GRIK2: variants seen among roughly 807,000 people sequenced by gnomAD.
The protein encoded by GRIK2 is glutamate receptor ionotropic, kainate 2.
Under a neutral mutation model 100.3 loss-of-function variants are expected in GRIK2, and 32 were observed. The observed-to-expected ratio is 0.32, with a 90% CI of 0.24 to 0.43. The LOEUF (loss-of-function observed/expected upper bound fraction) is 0.43. Ranked by LOEUF, GRIK2 falls within the 20% of genes least tolerant of loss-of-function variation. The probability of loss-of-function intolerance (pLI) is 1.00; values close to 1 mark genes in which losing one functional copy is unlikely to be tolerated. For missense variants in GRIK2, 843 were observed against 1,114.9 expected (o/e 0.76, Z 3.47); for synonymous variants, 417 against 389.4 (o/e 1.07, Z -0.83).
chr6:101,859,454 T>A lies in GRIK2; in HGVS notation c.1485T>A (p.Asn495Lys), dbSNP rs1784617388. 6.2e-7 allele frequency: 1 copy of A among 1,608,944 alleles called. No individual in the cohort carries two copies. The highest frequency in any genetic ancestry group is 8.5e-7 in the Non-Finnish European group (1 of 1,175,968). Residue 495 changes from asparagine to lysine, a missense_variant, in exon 11 of 17, where the codon AAT becomes AAA. Coordinates refer to ENST00000369134, the MANE Select transcript of GRIK2 (RefSeq NM_021956.5). ...DGKYGAQDDA[N>K]GQWNGMVREL... ...AATATGGAGCCCAGGATGATGCCAA[T>A]GGACAATGGAATGGAATGGTTCGTG...
chr6:101,658,351 G>T lies in GRIK2; in HGVS notation c.542-18272G>T, dbSNP rs541908904. ...AGTTTGCTGAGAATGATGGTTTCCAGCTTCATCCTTGTCCCAGCAAAGAAC... is the reference window on the plus strand; with the variant it reads ...AGTTTGCTGAGAATGATGGTTTCCATCTTCATCCTTGTCCCAGCAAAGAAC... On this transcript the variant is annotated intron_variant, in intron 4 of 16. Transcript: ENST00000369134. Among the ~76,000 whole-genome samples, 26 of 152,258 alleles carry T rather than the reference G, an allele frequency of 1.7e-4. No individual in the cohort carries two copies. The South Asian group carries it at 3.5e-3, about 21-fold the overall frequency.
At chr6:101,861,721 TCTTATA>T (rs1050083080) in intron 11 of GRIK2, among the ~76,000 whole-genome samples, 2 of 152,172 alleles carry the variant, frequency 1.3e-5, no homozygotes, top group African/African-American at 2.4e-5. Flanking sequence ...TTTTGGACCT[TCTTATA>T]CTTAGAGTTT....
At chr6:101,579,782 C>T (rs906359110) in intron 2 of GRIK2, among the ~76,000 whole-genome samples, 20 of 147,590 alleles carry the variant, frequency 1.4e-4, no homozygotes, top group African/African-American at 4.0e-4. Context: ...ACCCAGGAGG[C>T]GGAGGTTGCA....
At chr6:101,841,524 C>T (rs528566827) in intron 10 of GRIK2, among the ~76,000 whole-genome samples, 22 of 152,030 alleles carry the variant, frequency 1.4e-4, no homozygotes, top group African/African-American at 4.1e-4. Context: ...CCACCATGCC[C>T]GGCTAAGTTT....
At chr6:101,942,376 T>G (rs1032744684) in intron 14 of GRIK2, among the ~76,000 whole-genome samples, 1 of 152,140 alleles carries the variant, frequency 6.6e-6, no homozygotes, top group Admixed American at 6.6e-5. Flanking sequence ...CCTGAACATG[T>G]GGAAGCAACT....
intron 14 of GRIK2, among the ~76,000 whole-genome samples, chr6:101,946,083 A>G (rs1409391750): frequency 6.6e-6 from 1 of 152,058 alleles, no homozygotes; most frequent in African/African-American, 2.4e-5. Context: ...GTTACAAAAT[A>G]TAACATATAC....
chr6:101,996,804 A>G (rs1166640653), intron 14 of GRIK2, among the ~76,000 whole-genome samples: 1 of 152,064 alleles, frequency 6.6e-6, no homozygotes, highest in Admixed American at 6.6e-5. Context: ...GGTTTGTTAT[A>G]TTGAATCACT....
At chr6:101,592,624 T>TATATATATATATATATA (rs71028078) in intron 2 of GRIK2, among the ~76,000 whole-genome samples, 176 of 133,320 alleles carry the variant, frequency 1.3e-3, no homozygotes, top group African/African-American at 1.7e-3. Context: ...TATATATATA[T>TATATATATATATATATA]TGCTTTTTCA....
chr6:101,780,022 C>A (rs561554043), intron 7 of GRIK2, among the ~76,000 whole-genome samples: 1 of 152,076 alleles, frequency 6.6e-6, no homozygotes, highest in South Asian at 2.1e-4. Context: ...ATCTAACTAT[C>A]TCATATGGAT....
intron 9 of GRIK2, among the ~76,000 whole-genome samples, chr6:101,804,330 A>G (rs1219766369): frequency 6.6e-6 from 1 of 152,020 alleles, no homozygotes; most frequent in African/African-American, 2.4e-5. Context: ...CATAGATACC[A>G]TGTCCAAGAT....
At chr6:101,776,944 G>C (rs1279411263) in intron 7 of GRIK2, among the ~76,000 whole-genome samples, 1 of 152,160 alleles carries the variant, frequency 6.6e-6, no homozygotes, top group Non-Finnish European at 1.5e-5. Flanking sequence ...CTGGTTCCTT[G>C]TTCTGGAGAG....
chr6:101,721,326 G>T (rs1252253379), intron 7 of GRIK2, among the ~76,000 whole-genome samples: 3 of 151,948 alleles, frequency 2.0e-5, no homozygotes, highest in Non-Finnish European at 4.4e-5. Flanking sequence ...AGGCCGAGAT[G>T]GGCAGATCAC....
At chr6:101,754,802 C>T (rs886948668) in intron 7 of GRIK2, among the ~76,000 whole-genome samples, 1 of 152,102 alleles carries the variant, frequency 6.6e-6, no homozygotes, top group African/African-American at 2.4e-5. Flanking sequence ...TGTGCAATGG[C>T]TCAGAGGTAA....
At chr6:101,513,816 T>C (rs1373328662) in intron 2 of GRIK2, among the ~76,000 whole-genome samples, 2 of 140,422 alleles carry the variant, frequency 1.4e-5, no homozygotes, top group Non-Finnish European at 3.0e-5. Flanking sequence ...CTATGATCAT[T>C]GGTCAGATAA....
chr6:101,608,532 T>C (rs1051807248), intron 2 of GRIK2, among the ~76,000 whole-genome samples: 1 of 151,934 alleles, frequency 6.6e-6, no homozygotes, highest in African/African-American at 2.4e-5. Context: ...TCAAAGATTA[T>C]TCCTTGACTC....
intron 2 of GRIK2, among the ~76,000 whole-genome samples, chr6:101,451,711 C>A (rs1317346176): frequency 6.0e-5 from 9 of 148,860 alleles, no homozygotes; most frequent in Non-Finnish European, 1.2e-4. Context: ...GGGGGGGTGC[C>A]AAATACCTCC....
At chr6:101,798,853 T>C (rs996731308) in intron 7 of GRIK2, among the ~76,000 whole-genome samples, 2 of 152,162 alleles carry the variant, frequency 1.3e-5, no homozygotes, top group Non-Finnish European at 2.9e-5. Flanking sequence ...TTATGACTTA[T>C]AAACATTTTA....
At chr6:101,793,916 G>A (rs1258119200) in intron 7 of GRIK2, among the ~76,000 whole-genome samples, 2 of 152,164 alleles carry the variant, frequency 1.3e-5, no homozygotes, top group African/African-American at 2.4e-5. Flanking sequence ...GGGCAATGGT[G>A]GGCGCCCCTC....
chr6:101,722,951 T>G lies in GRIK2; in HGVS notation c.951+36598T>G, dbSNP rs545168913. 3.9e-3 allele frequency among the ~76,000 whole-genome samples: 589 copies of G among 152,172 alleles called. 1 individual carries two copies. The highest frequency in any genetic ancestry group is 8.6e-3 in the Admixed American group (131 of 15,256). ...GTCCTTTTAAGGGTCCAATCCTTCT[T>G]ATCAGGGATACATCTGCCCATTTTA... On this transcript the variant is annotated intron_variant, in intron 7 of 16. Coordinates refer to ENST00000369134, the MANE Select transcript of GRIK2 (RefSeq NM_021956.5).
Sources: allele counts gnomAD v4.1 joint callset (sites outside exome capture counted in the v4.1 genomes callset), GRCh38; gene constraint gnomAD v4.1.1; transcripts MANE v1.5; gene names NCBI Gene and HGNC (gene_info 2026-07-23, HGNC 2026-07-21).